Variants in ANXA3 observed in about 807,000 individuals in gnomAD.
ANXA3 encodes the protein 35-alpha calcimedin.
ANXA3 carries 46 observed loss-of-function variants against 48.8 expected under a neutral mutation model. The ratio of observed to expected loss-of-function variants is 0.94; its 90% CI spans 0.74 to 1.21. The LOEUF is 1.21. Among genes scored for constraint, ANXA3 ranks in the 50% most tolerant of loss-of-function variants. ANXA3 has a pLI of 0.00. For synonymous variants in ANXA3, 128 were observed against 134.7 expected (o/e 0.95, Z 0.35); for missense variants, 383 against 378.6 (o/e 1.01, Z -0.10).
chr4:78,593,964 T>C (rs905914854), intron 7 of ANXA3, among the ~76,000 whole-genome samples: 1 of 152,134 alleles, frequency 6.6e-6, no homozygotes, highest in Non-Finnish European at 1.5e-5. Flanking sequence ...GATATAGTTC[T>C]ATGGATTTTA....
chr4:78,557,781 A>G (rs532304105), intron 2 of ANXA3, among the ~76,000 whole-genome samples: 1 of 152,012 alleles, frequency 6.6e-6, no homozygotes, highest in Non-Finnish European at 1.5e-5. Context: ...ATTAGGAACA[A>G]CTCAGAACTG....
chr4:78,554,499 A>T lies in ANXA3; in HGVS notation c.15+11A>T, dbSNP rs780281063. 1 of 1,612,880 alleles carries T rather than the reference A, an allele frequency of 6.2e-7. No homozygotes were observed. Among genetic ancestry groups the T allele is most frequent in the South Asian group, 1.1e-5 (1 of 91,068 alleles). Reference sequence around the variant, plus strand: ...ATGGCATCTATCTGGGTAAGTAAAAATTAAGCCTTCACAACACAGTAACAT... The same window carrying T: ...ATGGCATCTATCTGGGTAAGTAAAATTTAAGCCTTCACAACACAGTAACAT... On this transcript the variant is annotated intron_variant, in intron 2 of 12. Coordinates refer to ENST00000264908, the MANE Select transcript of ANXA3 (RefSeq NM_005139.3).
chr4:78,601,729 CTT>C, intron 11 of ANXA3, 161 bp downstream of exon 11: 1 of 542,690 alleles, frequency 1.8e-6, no homozygotes, highest in Non-Finnish European at 3.2e-6. Flanking sequence ...ACAATACACT[CTT>C]TACACAGACA....
intron 5 of ANXA3, among the ~76,000 whole-genome samples, chr4:78,584,814 G>A (rs10452151): frequency 0.044 from 6,658 of 152,286 alleles, 525 homozygotes; most frequent in African/African-American, 0.15. Flanking sequence ...ATAAAGAGGC[G>A]AAGAGCAGGG....
At chr4:78,588,026 G>A (rs1240323684) in intron 6 of ANXA3, among the ~76,000 whole-genome samples, 2 of 152,132 alleles carry the variant, frequency 1.3e-5, no homozygotes, top group Non-Finnish European at 2.9e-5. Flanking sequence ...AACCCAGGAG[G>A]CAGAGGTTAC....
At chr4:78,588,637 C>T (rs1249093312) in intron 6 of ANXA3, among the ~76,000 whole-genome samples, 1 of 152,140 alleles carries the variant, frequency 6.6e-6, no homozygotes, top group Non-Finnish European at 1.5e-5. Context: ...TCTGTAGGTA[C>T]TGGAGCCAGT....
chr4:78,605,169 C>A (rs910902669), intron 12 of ANXA3, among the ~76,000 whole-genome samples: 2 of 152,038 alleles, frequency 1.3e-5, no homozygotes, highest in Admixed American at 6.6e-5. Context: ...CTGTGTTGCC[C>A]AGGCTGAAGT....
intron 11 of ANXA3, 45 bp downstream of exon 11, chr4:78,601,613 C>T: frequency 6.6e-7 from 1 of 1,523,718 alleles, no homozygotes; most frequent in Non-Finnish European, 9.1e-7. Context: ...CCCTTAATTC[C>T]CTTGGGAAAG....
chr4:78,571,293 G>A (rs547524112), intron 2 of ANXA3: 3 of 152,322 alleles, frequency 2.0e-5, no homozygotes, highest in South Asian at 2.1e-4. Context: ...GTACAAGAGT[G>A]AGCCACCATG....
intron 2 of ANXA3, among the ~76,000 whole-genome samples, chr4:78,565,515 G>A (rs2109928335): frequency 6.6e-6 from 1 of 152,298 alleles, no homozygotes; most frequent in Non-Finnish European, 1.5e-5. Flanking sequence ...TGCAGGTGAA[G>A]GAATCAAAGG....
At chr4:78,559,720 A>AT (rs2109924915) in intron 2 of ANXA3, among the ~76,000 whole-genome samples, 1 of 152,320 alleles carries the variant, frequency 6.6e-6, no homozygotes. Flanking sequence ...CTAATCATTT[A>AT]AAAGGTAGGC....
At chr4:78,582,608 G>A (rs1000878435) in intron 5 of ANXA3, among the ~76,000 whole-genome samples, 1 of 152,076 alleles carries the variant, frequency 6.6e-6, no homozygotes, top group Non-Finnish European at 1.5e-5. Context: ...TTGAGCCCTT[G>A]TTTTCTCTTA....
At chr4:78,607,098 C>G (rs1277339146) in intron 12 of ANXA3, among the ~76,000 whole-genome samples, 1 of 152,322 alleles carries the variant, frequency 6.6e-6, no homozygotes, top group South Asian at 2.1e-4. Flanking sequence ...ACCAGTGGCT[C>G]TCCGTTCCCC....
At chr4:78,561,975 T>C (rs1306860357) in intron 2 of ANXA3, among the ~76,000 whole-genome samples, 2 of 152,250 alleles carry the variant, frequency 1.3e-5, no homozygotes, top group Non-Finnish European at 2.9e-5. Flanking sequence ...ATGAGTGGAA[T>C]GAACACTAAA....
At chr4:78,600,042 T>G (rs532579363) in intron 10 of ANXA3, among the ~76,000 whole-genome samples, 6 of 152,122 alleles carry the variant, frequency 3.9e-5, no homozygotes, top group Non-Finnish European at 7.3e-5. Context: ...AGGAAACACG[T>G]CTGGCAGTGG....
At chr4:78,558,549 C>T (rs1185541488) in intron 2 of ANXA3, among the ~76,000 whole-genome samples, 1 of 152,142 alleles carries the variant, frequency 6.6e-6, no homozygotes, top group African/African-American at 2.4e-5. Flanking sequence ...GTGGTATGAT[C>T]AAGGGAGAAG....
At position 78,604,301 on chromosome 4, in the gene ANXA3, C is replaced by T; in HGVS notation, c.814C>T (p.Leu272=). ...GGGTATTGGAACTGATGAGTTTACTCTGAACCGAATAATGGTGTCCAGATC... is the reference window on the plus strand; with the variant it reads ...GGGTATTGGAACTGATGAGTTTACTTTGAACCGAATAATGGTGTCCAGATC... The part of the protein sequence containing the change: ...LKGIGTDEFT[L]NRIMVSRSEI... Residue 272 remains leucine (L), a synonymous_variant, in exon 12 of 13, where the codon CTG becomes TTG. Transcript: ENST00000264908. 1.9e-6 allele frequency: 3 copies of T among 1,613,082 alleles called. No individual in the cohort carries two copies. The highest frequency in any genetic ancestry group is 2.2e-5 in the South Asian group (2 of 90,988).
intron 3 of ANXA3, among the ~76,000 whole-genome samples, chr4:78,576,832 C>A (rs1312352087): frequency 6.6e-6 from 1 of 152,112 alleles, no homozygotes; most frequent in East Asian, 1.9e-4. Context: ...AGTCTCTGAA[C>A]CTGAGGCATC....
chr4:78,597,318 G>A lies in ANXA3; in HGVS notation c.635-1G>A. On this transcript the variant is annotated splice_acceptor_variant, in intron 9 of 12. Transcript: ENST00000264908. LOFTEE classifies it high-confidence loss of function. Reference sequence around the variant, plus strand: ...AATAATTTTGTGGTGCTTCTTTTTAGCATTTGATGAATACAGAAATATCAG... The same window carrying A: ...AATAATTTTGTGGTGCTTCTTTTTAACATTTGATGAATACAGAAATATCAG... The A allele has an allele frequency of 6.3e-7, 1 of 1,591,902 alleles. No individual in the cohort carries two copies. The highest frequency in any genetic ancestry group is 1.7e-5 in the Admixed American group (1 of 58,464).
Sources: allele counts gnomAD v4.1 joint callset (sites outside exome capture counted in the v4.1 genomes callset), GRCh38; gene constraint gnomAD v4.1.1; transcripts MANE v1.5; gene names NCBI Gene and HGNC (gene_info 2026-07-23, HGNC 2026-07-21).